PRRC2B: variants seen among roughly 807,000 people sequenced by gnomAD.
PRRC2B encodes the protein protein PRRC2B.
PRRC2B carries 68 observed loss-of-function variants against 242.3 expected under a neutral mutation model. The ratio of observed to expected loss-of-function variants is 0.28; its 90% CI spans 0.23 to 0.34. The LOEUF (loss-of-function observed/expected upper bound fraction) is 0.34. Among genes scored for constraint, PRRC2B ranks in the 10% least tolerant of loss-of-function variants. The probability of loss-of-function intolerance (pLI) is 1.00; values close to 1 mark genes in which losing one functional copy is unlikely to be tolerated. For missense variants in PRRC2B, 2,835 were observed against 2,954.8 expected (o/e 0.96, Z 0.94); for synonymous variants, 1,228 against 1,173.6 (o/e 1.05, Z -0.95).
At chr9:131,412,203 G>A (rs1366950689) in intron 1 of PRRC2B, among the ~76,000 whole-genome samples, 1 of 152,192 alleles carries the variant, frequency 6.6e-6, no homozygotes, top group Non-Finnish European at 1.5e-5. Flanking sequence ...TACCAAGGTG[G>A]ACAGGCTTCT....
intron 4 of PRRC2B, 41 bp from the exon 5 acceptor site, chr9:131,438,948 T>A: frequency 6.6e-7 from 1 of 1,506,160 alleles, no homozygotes; most frequent in Non-Finnish European, 9.2e-7. Flanking sequence ...TACAGTGGAA[T>A]AAGGGAGCTG....
chr9:131,457,326 T>C (rs1464411066), intron 10 of PRRC2B, among the ~76,000 whole-genome samples: 1 of 152,234 alleles, frequency 6.6e-6, no homozygotes, highest in Non-Finnish European at 1.5e-5. Context: ...AGAGACTGAT[T>C]GGAGCAGTAG....
At chr9:131,401,737 T>C (rs1837231872) in intron 1 of PRRC2B, among the ~76,000 whole-genome samples, 1 of 152,056 alleles carries the variant, frequency 6.6e-6, no homozygotes, top group Non-Finnish European at 1.5e-5. Flanking sequence ...CTCGGCTCAC[T>C]GCAGCCTCTG....
At chr9:131,387,954 G>GGAT (rs1476285121) in intron 1 of PRRC2B, among the ~76,000 whole-genome samples, 1 of 150,648 alleles carries the variant, frequency 6.6e-6, no homozygotes, top group Non-Finnish European at 1.5e-5. Flanking sequence ...ACTTTGGGAG[G>GGAT]CCCAGGTGGG....
chr9:131,481,674 C>G, intron 19 of PRRC2B, 52 bp from the exon 20 acceptor site: 2 of 1,411,304 alleles, frequency 1.4e-6, no homozygotes, highest in South Asian at 1.2e-5. Context: ...CTCATAAACT[C>G]TCTAGACGGG....
At chr9:131,399,841 T>TG (rs1837181600) in intron 1 of PRRC2B, among the ~76,000 whole-genome samples, 6 of 152,326 alleles carry the variant, frequency 3.9e-5, no homozygotes, top group Admixed American at 2.0e-4. Context: ...TATGCCATAA[T>TG]TTATTGACTC....
chr9:131,410,777 A>G (rs1168599024), intron 1 of PRRC2B, among the ~76,000 whole-genome samples: 2 of 152,032 alleles, frequency 1.3e-5, no homozygotes, highest in East Asian at 3.9e-4. Context: ...CTATTCTTAA[A>G]TGCAATTTTA....
intron 10 of PRRC2B, among the ~76,000 whole-genome samples, chr9:131,458,798 C>T (rs761586711): frequency 6.6e-6 from 1 of 152,206 alleles, no homozygotes; most frequent in Non-Finnish European, 1.5e-5. Flanking sequence ...CCACTACGCC[C>T]AGGCCCTCTT....
At chr9:131,423,217 A>C (rs1446029763) in intron 1 of PRRC2B, among the ~76,000 whole-genome samples, 1 of 152,226 alleles carries the variant, frequency 6.6e-6, no homozygotes, top group Non-Finnish European at 1.5e-5. Context: ...TGGTGCGTCT[A>C]TGCCGGGTCT....
intron 1 of PRRC2B, among the ~76,000 whole-genome samples, chr9:131,426,985 A>T (rs1298697720): frequency 2.0e-5 from 3 of 152,222 alleles, no homozygotes; most frequent in Non-Finnish European, 4.4e-5. Flanking sequence ...GGCTGAAGCC[A>T]TGTGGGGCGG....
chr9:131,443,644 C>T (rs1441855094), intron 5 of PRRC2B, among the ~76,000 whole-genome samples: 6 of 151,882 alleles, frequency 4.0e-5, no homozygotes, highest in African/African-American at 1.2e-4. Context: ...TTGCCCAGGC[C>T]GGTCTTGAAC....
At chr9:131,463,110 C>T (rs1415081682) in intron 11 of PRRC2B, among the ~76,000 whole-genome samples, 4 of 152,062 alleles carry the variant, frequency 2.6e-5, no homozygotes, top group African/African-American at 4.8e-5. Flanking sequence ...GATCAATACA[C>T]AGCCGTTAGA....
intron 1 of PRRC2B, among the ~76,000 whole-genome samples, chr9:131,384,044 A>T (rs929262163): frequency 6.8e-6 from 1 of 147,788 alleles, no homozygotes; most frequent in Non-Finnish European, 1.5e-5. Flanking sequence ...TCAGCCCCTG[A>T]GTAGCTGGGA....
rs1164746450 is a variant in PRRC2B, at chr9:131,467,587, A to G, written c.1745A>G (p.Glu582Gly). The stretch of plus-strand genomic sequence containing the variant: ...GGCTCCCCAGAATTCCCTGCCCAAG[A>G]GACCCCCACCACATTCCCAGAAGAG... The part of the protein sequence containing the change: ...HKGSPEFPAQ[E>G]TPTTFPEEAP... Residue 582 changes from glutamate to glycine, a missense_variant, in exon 13 of 32, where the codon GAG becomes GGG. This residue lies in a region of PRRC2B where 1,536 missense variants were observed against 1,483.1 expected (regional missense o/e 1.04). Transcript: ENST00000683519. 1 of 1,610,830 alleles carries G rather than the reference A, an allele frequency of 6.2e-7. No homozygotes were observed. Among genetic ancestry groups the G allele is most frequent in the Non-Finnish European group, 8.5e-7 (1 of 1,178,458 alleles).
At chr9:131,396,294 TCCTTC>T (rs1454122621) in intron 1 of PRRC2B, among the ~76,000 whole-genome samples, 5 of 150,914 alleles carry the variant, frequency 3.3e-5, no homozygotes, top group African/African-American at 1.2e-4. Flanking sequence ...TCCTTTTCCT[TCCTTC>T]CCTTCCTTCT....
At chr9:131,486,800 A>G (rs1412347192) in intron 26 of PRRC2B, among the ~76,000 whole-genome samples, 3 of 152,148 alleles carry the variant, frequency 2.0e-5, no homozygotes, top group East Asian at 3.9e-4. Context: ...TAACTGCTGT[A>G]TTGTTTGGTT....
intron 1 of PRRC2B, among the ~76,000 whole-genome samples, chr9:131,408,753 T>C (rs931605202): frequency 6.6e-5 from 10 of 152,202 alleles, no homozygotes; most frequent in African/African-American, 2.4e-4. Context: ...AGTTTTACTC[T>C]TGTTGCCCGG....
intron 11 of PRRC2B, among the ~76,000 whole-genome samples, chr9:131,463,955 T>TC (rs1277261165): frequency 1.1e-3 from 171 of 150,380 alleles, no homozygotes; most frequent in African/African-American, 3.7e-3. Context: ...TTTTTTTTTT[T>TC]CCCCCAGATG....
At chr9:131,471,873 G>A (rs1029494210) in intron 14 of PRRC2B, among the ~76,000 whole-genome samples, 2 of 152,158 alleles carry the variant, frequency 1.3e-5, no homozygotes, top group African/African-American at 4.8e-5. Flanking sequence ...TAATTGTGTT[G>A]TGCAAATGTC....
Sources: allele counts gnomAD v4.1 joint callset (sites outside exome capture counted in the v4.1 genomes callset), GRCh38; gene constraint gnomAD v4.1.1; regional missense constraint gnomAD v4.1.1; transcripts MANE v1.5; gene names NCBI Gene and HGNC (gene_info 2026-07-23, HGNC 2026-07-21).